SDC2: variants seen among roughly 807,000 people sequenced by gnomAD.
SDC2 encodes syndecan-2.
SDC2 carries 13 observed loss-of-function variants against 22.2 expected under a neutral mutation model. The observed-to-expected ratio is 0.59, with a 90% CI of 0.38 to 0.93. SDC2 has a LOEUF of 0.93. Ranked by LOEUF, SDC2 falls within the 40% of genes least tolerant of loss-of-function variation. The probability of loss-of-function intolerance (pLI) is 0.00; values close to 1 mark genes in which losing one functional copy is unlikely to be tolerated. For missense variants in SDC2, 235 were observed against 246.8 expected (o/e 0.95, Z 0.32); for synonymous variants, 94 against 92.8 (o/e 1.01, Z -0.07).
chr8:96,552,396 A>G (rs1005876389), intron 1 of SDC2, among the ~76,000 whole-genome samples: 1 of 152,240 alleles, frequency 6.6e-6, no homozygotes, highest in African/African-American at 2.4e-5. Context: ...GAGAGAAGTA[A>G]ATCGTGCTGT....
intron 2 of SDC2, among the ~76,000 whole-genome samples, chr8:96,601,401 G>A (rs187171050): frequency 4.0e-4 from 61 of 152,114 alleles, no homozygotes; most frequent in Admixed American, 2.2e-3. Flanking sequence ...CAGAACTTTG[G>A]GAGGCTGAAG....
chr8:96,603,388 C>G (rs970507096), intron 3 of SDC2, among the ~76,000 whole-genome samples: 1 of 152,178 alleles, frequency 6.6e-6, no homozygotes, highest in Non-Finnish European at 1.5e-5. Context: ...GCCAATTCAC[C>G]AAATGAGCAT....
chr8:96,582,809 C>T (rs2130608394), intron 1 of SDC2, among the ~76,000 whole-genome samples: 1 of 152,256 alleles, frequency 6.6e-6, no homozygotes, highest in South Asian at 2.1e-4. Context: ...TGGGGCTAAG[C>T]TGGAAGGGAG....
At chr8:96,508,722 C>T (rs1463806116) in intron 1 of SDC2, among the ~76,000 whole-genome samples, 1 of 141,682 alleles carries the variant, frequency 7.1e-6, no homozygotes, top group African/African-American at 2.5e-5. Flanking sequence ...GTATTACTTG[C>T]CAAGGCTGCA....
chr8:96,538,405 TAAAA>T (rs35236709), intron 1 of SDC2, among the ~76,000 whole-genome samples: 1 of 151,924 alleles, frequency 6.6e-6, no homozygotes, highest in African/African-American at 2.4e-5. Context: ...GTACTAAAGA[TAAAA>T]AAAAGTTATA....
chr8:96,510,000 A>C (rs2253234), intron 1 of SDC2, among the ~76,000 whole-genome samples: 6,988 of 152,136 alleles, frequency 0.046, 209 homozygotes, highest in East Asian at 0.17. Flanking sequence ...CATAGCTATA[A>C]AGTAAGTTTA....
intron 1 of SDC2, among the ~76,000 whole-genome samples, chr8:96,527,896 CAT>C (rs1203987315): frequency 3.9e-5 from 6 of 152,100 alleles, no homozygotes; most frequent in African/African-American, 1.4e-4. Flanking sequence ...TACATTATAT[CAT>C]ATATCTACAT....
At chr8:96,517,781 G>A (rs1418213839) in intron 1 of SDC2, among the ~76,000 whole-genome samples, 1 of 117,218 alleles carries the variant, frequency 8.5e-6, no homozygotes, top group Non-Finnish European at 1.7e-5. Flanking sequence ...ATGTGTGTGT[G>A]TGTGTGTGTG....
chr8:96,525,446 A>G (rs556737640), intron 1 of SDC2, among the ~76,000 whole-genome samples: 1 of 152,160 alleles, frequency 6.6e-6, no homozygotes, highest in East Asian at 1.9e-4. Flanking sequence ...CCCCCTTCCC[A>G]TTAGAGTGAG....
intron 1 of SDC2, chr8:96,538,900 C>T (rs1813799970): frequency 1.3e-5 from 2 of 152,246 alleles, no homozygotes; most frequent in Admixed American, 1.3e-4. Flanking sequence ...CTTGGTGAGT[C>T]TGCTAGCCGT....
chr8:96,593,393 C>T, intron 1 of SDC2, 87 bp from the exon 2 acceptor site: 1 of 817,012 alleles, frequency 1.2e-6, no homozygotes, highest in Non-Finnish European at 2.0e-6. Flanking sequence ...GAGGGGTAGT[C>T]ACTGCAGTAT....
chr8:96,584,734 C>T (rs1586315014), intron 1 of SDC2, among the ~76,000 whole-genome samples: 1 of 152,152 alleles, frequency 6.6e-6, no homozygotes, highest in East Asian at 1.9e-4. Context: ...GGAGAGGCAG[C>T]GATGCCTGTA....
At chr8:96,507,819 A>G (rs16894653) in intron 1 of SDC2, among the ~76,000 whole-genome samples, 4,464 of 152,278 alleles carry the variant, frequency 0.029, 215 homozygotes, top group African/African-American at 0.1. Flanking sequence ...TTTTTACCCA[A>G]TTCCTTTTGC....
chr8:96,580,417 C>T (rs1814571060), intron 1 of SDC2: 1 of 985,268 alleles, frequency 1.0e-6, no homozygotes, highest in African/African-American at 1.7e-5. Context: ...CCGATAGCTC[C>T]CAAGCCTCCA....
chr8:96,494,117 C>G lies in SDC2; in HGVS notation c.-155C>G, dbSNP rs1444575. On this transcript the variant is annotated 5_prime_UTR_variant, in exon 1 of 5. Coordinates refer to ENST00000302190, the MANE Select transcript of SDC2 (RefSeq NM_002998.4). ...GGCGCAGGAGGAGGAAGCGAGCGCC[C>G]CCGAGCCCCGAGCCCGAGTCCCCGA... 7 of 696,570 alleles carry G rather than the reference C, an allele frequency of 1.0e-5. No individual in the cohort carries two copies. Among genetic ancestry groups the G allele is most frequent in the Non-Finnish European group, 1.4e-5 (6 of 438,116 alleles). The allele number at this position is 696,570 out of a possible 1,614,324, so 43.1% of individuals were successfully genotyped here. A position where few individuals can be genotyped will look rare whatever the true frequency, so the allele number is the denominator to read the frequency against.
chr8:96,556,269 C>T lies in SDC2; in HGVS notation c.61-37211C>T, dbSNP rs115323400. 3.5e-3 allele frequency among the ~76,000 whole-genome samples: 533 copies of T among 152,006 alleles called. 5 individuals carry two copies. Among genetic ancestry groups the T allele is most frequent in the African/African-American group, 0.012 (500 of 41,448 alleles). On this transcript the variant is annotated intron_variant, in intron 1 of 4. Transcript: ENST00000302190. The stretch of plus-strand genomic sequence containing the variant: ...GTATTATGTTTATCAGAGAATGAAA[C>T]GAAACAAATTATTCCTCCTCTTTTA...
chr8:96,497,920 G>C (rs1249496769), intron 1 of SDC2, among the ~76,000 whole-genome samples: 1 of 152,216 alleles, frequency 6.6e-6, no homozygotes, highest in Non-Finnish European at 1.5e-5. Context: ...GTGCATTGCA[G>C]AATCTCCAAA....
Position 96,562,095 on chromosome 8 carries a change from C to T in SDC2, c.61-31385C>T, listed in dbSNP as rs145171704. Among the ~76,000 whole-genome samples the T allele has an allele frequency of 2.0e-5, 3 of 152,276 alleles. No homozygotes were observed. In the East Asian group the frequency reaches 5.8e-4, roughly 29 times the overall value. ...ACTCAAGGTCATTTTGATTTCCCCCCCATTGATCTTCTAGGCATTTTGTAG... is the reference window on the plus strand; with the variant it reads ...ACTCAAGGTCATTTTGATTTCCCCCTCATTGATCTTCTAGGCATTTTGTAG... On this transcript the variant is annotated intron_variant, in intron 1 of 4. Coordinates refer to ENST00000302190, the MANE Select transcript of SDC2 (RefSeq NM_002998.4).
intron 1 of SDC2, among the ~76,000 whole-genome samples, chr8:96,529,554 A>G (rs1813628436): frequency 6.6e-6 from 1 of 152,198 alleles, no homozygotes. Flanking sequence ...CCCATTTCAC[A>G]TTATGGAAAT....
Sources: allele counts gnomAD v4.1 joint callset (sites outside exome capture counted in the v4.1 genomes callset), GRCh38; gene constraint gnomAD v4.1.1; transcripts MANE v1.5; gene names NCBI Gene and HGNC (gene_info 2026-07-23, HGNC 2026-07-21).